The following STK3 variants were observed in gnomAD, a reference collection of about 807,000 sequenced individuals.
STK3 encodes serine/threonine kinase 3.
A neutral mutation model predicts 58.0 loss-of-function variants in STK3; 41 were observed. That is an observed-to-expected ratio of 0.71 (90% CI 0.55 to 0.92). STK3 has a LOEUF of 0.92. Ranked by LOEUF, STK3 falls within the 40% of genes least tolerant of loss-of-function variation. STK3 has a pLI of 0.00. For synonymous variants in STK3, 170 were observed against 191.0 expected, an observed-to-expected ratio of 0.89 and a Z score of 0.91; for missense variants, 479 against 602.7, an observed-to-expected ratio of 0.79 and a Z score of 2.15.
chr8:98,732,040 T>A (rs1000956919), intron 4 of STK3, among the ~76,000 whole-genome samples: 5 of 152,166 alleles, frequency 3.3e-5, no homozygotes, highest in Admixed American at 6.5e-5. Flanking sequence ...GAAAAAGGAA[T>A]AATCAAAAGA....
intron 3 of STK3, among the ~76,000 whole-genome samples, chr8:98,433,599 T>C (rs1014402603): frequency 3.3e-5 from 5 of 152,130 alleles, no homozygotes; most frequent in Non-Finnish European, 7.4e-5. Flanking sequence ...TTGGATTAGA[T>C]AATCCTTAAA....
chr8:98,715,925 A>G (rs1372476367), intron 4 of STK3, among the ~76,000 whole-genome samples: 1 of 152,226 alleles, frequency 6.6e-6, no homozygotes, highest in African/African-American at 2.4e-5. Context: ...AATGTGGCGC[A>G]TATACACCAT....
intron 3 of STK3, among the ~76,000 whole-genome samples, chr8:98,423,472 AG>A (rs1277757293): frequency 6.6e-6 from 1 of 152,216 alleles, no homozygotes; most frequent in Non-Finnish European, 1.5e-5. Context: ...AGTGTATCAT[AG>A]GGGGTCTTGG....
At chr8:98,350,236 C>T in the STK3 span, among the ~76,000 whole-genome samples, 3 of 152,176 alleles carry the variant, frequency 2.0e-5, no homozygotes, top group African/African-American at 7.2e-5. Flanking sequence ...GGGCAAAATG[C>T]CACCAGTCTC....
rs1818278289 is a variant in STK3, at chr8:98,428,473, C to T, written n.483+5654G>A. The T allele has an allele frequency of 1.2e-6, 2 of 1,614,124 alleles. No homozygotes were observed. Among genetic ancestry groups the T allele is most frequent in the Non-Finnish European group, 1.7e-6 (2 of 1,180,030 alleles). On this transcript the variant is annotated intron_variant and non_coding_transcript_variant, in intron 3 of 3. Coordinates refer to the STK3 transcript ENST00000517832. This position sits in a 1 kb window ranked among gnomAD's most constrained non-coding sequence, Gnocchi z 6.7. ...GACGCCTCCAAGTTCGATGGGCAGCCCCTCGGCAACTTCCGCAGGCAGCTG... is the reference window on the plus strand; with the variant it reads ...GACGCCTCCAAGTTCGATGGGCAGCTCCTCGGCAACTTCCGCAGGCAGCTG...
intron 6 of STK3, among the ~76,000 whole-genome samples, chr8:98,606,519 G>A (rs187783505): frequency 3.3e-5 from 5 of 152,262 alleles, no homozygotes; most frequent in Admixed American, 2.6e-4. Context: ...TCAGGATACA[G>A]GATGGTCAGC....
At chr8:98,386,425 T>C (rs900571739) in intron 1 of STK3, among the ~76,000 whole-genome samples, 1 of 152,202 alleles carries the variant, frequency 6.6e-6, no homozygotes, top group Non-Finnish European at 1.5e-5. Context: ...AATATTTCTA[T>C]ATACCACTAT....
At chr8:98,597,363 A>T in intron 6 of STK3, 1 of 985,234 alleles carries the variant, frequency 1.0e-6, no homozygotes. Context: ...TCTTCTTTCA[A>T]AAAACGTAAA....
chr8:98,346,922 T>C, the STK3 span, among the ~76,000 whole-genome samples: 3 of 151,814 alleles, frequency 2.0e-5, no homozygotes, highest in African/African-American at 7.3e-5. Flanking sequence ...TCCTTATCAT[T>C]TAAATGCCTT....
downstream of STK3, among the ~76,000 whole-genome samples, chr8:98,366,703 C>G (rs1309199196): frequency 6.6e-6 from 1 of 152,200 alleles, no homozygotes; most frequent in Non-Finnish European, 1.5e-5. Context: ...ATCTATCTGT[C>G]TATTCCTGCT....
chr8:98,841,768 A>G (rs1835997893), intron 3 of STK3, among the ~76,000 whole-genome samples: 1 of 151,734 alleles, frequency 6.6e-6, no homozygotes, highest in Admixed American at 6.6e-5. Flanking sequence ...ATGGAAAAAG[A>G]TGAAAATAAT....
chr8:98,901,985 T>C (rs1391225364), intron 1 of STK3, among the ~76,000 whole-genome samples: 1 of 152,182 alleles, frequency 6.6e-6, no homozygotes, highest in Non-Finnish European at 1.5e-5. Flanking sequence ...ACAAGATGCT[T>C]TTTGCTGCCC....
chr8:98,833,334 T>G (rs2131788366), intron 3 of STK3, among the ~76,000 whole-genome samples: 1 of 151,914 alleles, frequency 6.6e-6, no homozygotes, highest in East Asian at 1.9e-4. Flanking sequence ...GTAGTTAAAA[T>G]AAGGGGGGTT....
At chr8:98,865,944 C>T (rs1159024389) in intron 3 of STK3, among the ~76,000 whole-genome samples, 1 of 152,260 alleles carries the variant, frequency 6.6e-6, no homozygotes, top group Non-Finnish European at 1.5e-5. Context: ...CCTGGCCACA[C>T]AGTCCTGCAG....
intron 6 of STK3, among the ~76,000 whole-genome samples, chr8:98,625,983 C>T (rs1007550650): frequency 6.6e-6 from 1 of 152,170 alleles, no homozygotes; most frequent in Non-Finnish European, 1.5e-5. Context: ...CCATCTACCA[C>T]GTCATGGTAA....
chr8:98,603,580 T>G (rs1224139275), intron 6 of STK3, among the ~76,000 whole-genome samples: 2 of 152,180 alleles, frequency 1.3e-5, no homozygotes, highest in Admixed American at 1.3e-4. Context: ...CTGTTCTTTA[T>G]AGAAAAATTC....
intron 10 of STK3, among the ~76,000 whole-genome samples, chr8:98,497,341 C>T (rs1455252809): frequency 6.6e-6 from 1 of 151,964 alleles, no homozygotes; most frequent in Non-Finnish European, 1.5e-5. Flanking sequence ...AACTATAAGA[C>T]TCTTGGACGA....
intron 6 of STK3, among the ~76,000 whole-genome samples, chr8:98,649,230 T>A (rs1337054614): frequency 6.6e-6 from 1 of 152,224 alleles, no homozygotes; most frequent in Non-Finnish European, 1.5e-5. Context: ...TTTTTTTTAA[T>A]ATCGTAGATA....
intron 4 of STK3, among the ~76,000 whole-genome samples, chr8:98,738,753 C>G (rs1053935394): frequency 2.0e-5 from 3 of 152,226 alleles, no homozygotes; most frequent in Non-Finnish European, 4.4e-5. Flanking sequence ...ACAGTGGGTG[C>G]AGCGCACCGT....
Sources: allele counts gnomAD v4.1 joint callset (sites outside exome capture counted in the v4.1 genomes callset), GRCh38; gene constraint gnomAD v4.1.1; non-coding constraint Gnocchi (gnomAD v3.1); transcripts MANE v1.5; gene names NCBI Gene and HGNC (gene_info 2026-07-23, HGNC 2026-07-21).